Variants in SLC24A2 observed in about 807,000 individuals in gnomAD.
The protein encoded by SLC24A2 is solute carrier family 24 member 2, also known as sodium/potassium/calcium exchanger 2.
In SLC24A2, 36 loss-of-function variants were observed where a neutral mutation model predicts 62.0. The observed-to-expected ratio is 0.58, with a 90% CI of 0.44 to 0.77. The LOEUF is 0.77. Among genes scored for constraint, SLC24A2 ranks in the 30% least tolerant of loss-of-function variants. The probability of loss-of-function intolerance (pLI) is 0.00; values close to 1 mark genes in which losing one functional copy is unlikely to be tolerated. For missense variants in SLC24A2, 846 were observed against 817.9 expected, an observed-to-expected ratio of 1.03 and a Z score of -0.42; for synonymous variants, 358 against 294.0, an observed-to-expected ratio of 1.22 and a Z score of -2.23.
intron 2 of SLC24A2, among the ~76,000 whole-genome samples, chr9:19,765,202 G>A (rs1240624820): frequency 1.3e-5 from 2 of 151,944 alleles, no homozygotes; most frequent in East Asian, 1.9e-4. Context: ...TTGCACATTA[G>A]ATGGGTCTCC....
intron 7 of SLC24A2, among the ~76,000 whole-genome samples, chr9:19,560,669 T>C (rs1835344091): frequency 6.6e-6 from 1 of 152,192 alleles, no homozygotes; most frequent in Non-Finnish European, 1.5e-5. Flanking sequence ...TCTGGTATTT[T>C]TTTCTGGCAG....
chr9:19,883,940 C>T, the SLC24A2 span, among the ~76,000 whole-genome samples: 2 of 152,174 alleles, frequency 1.3e-5, no homozygotes, highest in African/African-American at 4.8e-5. Flanking sequence ...GTAAAAGGTG[C>T]TACTTATTCT....
the SLC24A2 span, among the ~76,000 whole-genome samples, chr9:19,888,443 T>C: frequency 5.9e-5 from 9 of 152,178 alleles, no homozygotes; most frequent in East Asian, 1.7e-3. Context: ...TTTTTTCTCC[T>C]CTTTTATTTA....
At chr9:19,824,683 G>T in the SLC24A2 span, among the ~76,000 whole-genome samples, 1 of 152,030 alleles carries the variant, frequency 6.6e-6, no homozygotes, top group South Asian at 2.1e-4. Flanking sequence ...TATACCCAAA[G>T]GTTTATAAAT....
the SLC24A2 span, among the ~76,000 whole-genome samples, chr9:20,017,644 CA>C: frequency 6.6e-6 from 1 of 152,166 alleles, no homozygotes; most frequent in African/African-American, 2.4e-5. Flanking sequence ...GGAAAACCAA[CA>C]ATGCAGCCTT....
chr9:20,235,265 C>T, the SLC24A2 span, among the ~76,000 whole-genome samples: 15 of 152,350 alleles, frequency 9.8e-5, no homozygotes, highest in African/African-American at 3.6e-4. Context: ...CAGACAGGGA[C>T]ATTTAAGTCT....
At chr9:19,983,538 G>A in the SLC24A2 span, among the ~76,000 whole-genome samples, 13 of 152,154 alleles carry the variant, frequency 8.5e-5, no homozygotes, top group Non-Finnish European at 1.3e-4. Context: ...AGCTGCTCGG[G>A]AGGCTGAGGC....
intron 5 of SLC24A2, among the ~76,000 whole-genome samples, chr9:19,580,712 G>T (rs1836178830): frequency 6.6e-6 from 1 of 152,226 alleles, no homozygotes; most frequent in South Asian, 2.1e-4. Flanking sequence ...GTAGATCTGA[G>T]TTCAAGCCCT....
the SLC24A2 span, among the ~76,000 whole-genome samples, chr9:19,838,639 CAAAAAAAAAAG>C: frequency 8.0e-6 from 1 of 124,404 alleles, no homozygotes; most frequent in Non-Finnish European, 1.7e-5. Flanking sequence ...ACTCTGGTCT[CAAAAAAAAAAG>C]AAAAAAAAAA....
chr9:20,259,576 T>C, the SLC24A2 span, among the ~76,000 whole-genome samples: 1 of 152,136 alleles, frequency 6.6e-6, no homozygotes, highest in Non-Finnish European at 1.5e-5. Context: ...TGCCTACTGT[T>C]TGGGACAGAG....
intron 2 of SLC24A2, among the ~76,000 whole-genome samples, chr9:19,760,382 T>A (rs1388214358): frequency 1.3e-5 from 2 of 152,196 alleles, no homozygotes; most frequent in Non-Finnish European, 2.9e-5. Flanking sequence ...TATTTTTTTA[T>A]TATACTTTAA....
chr9:20,200,200 T>C, the SLC24A2 span, among the ~76,000 whole-genome samples: 1 of 152,034 alleles, frequency 6.6e-6, no homozygotes, highest in Admixed American at 6.6e-5. Context: ...TTCCACAGAG[T>C]AGCCTCTGGC....
chr9:20,065,100 A>G, the SLC24A2 span, among the ~76,000 whole-genome samples: 1 of 152,208 alleles, frequency 6.6e-6, no homozygotes, highest in African/African-American at 2.4e-5. Context: ...CATTTGTTTC[A>G]TGGTCCTAAA....
At chr9:20,128,713 A>T in the SLC24A2 span, among the ~76,000 whole-genome samples, 1 of 152,126 alleles carries the variant, frequency 6.6e-6, no homozygotes, top group African/African-American at 2.4e-5. Context: ...ATGGGGAAAG[A>T]ATAATCTCTT....
chr9:19,573,740 G>T (rs1013388111), intron 6 of SLC24A2, among the ~76,000 whole-genome samples: 1 of 151,916 alleles, frequency 6.6e-6, no homozygotes, highest in African/African-American at 2.4e-5. Context: ...CCTTAATAGC[G>T]CCCTGGCTTC....
chr9:19,968,512 A>G, the SLC24A2 span, among the ~76,000 whole-genome samples: 1 of 152,230 alleles, frequency 6.6e-6, no homozygotes, highest in Admixed American at 6.6e-5. Flanking sequence ...ACAGACTCTA[A>G]GAAGTGGATA....
At chr9:20,103,324 C>G in the SLC24A2 span, among the ~76,000 whole-genome samples, 4 of 152,278 alleles carry the variant, frequency 2.6e-5, no homozygotes, top group African/African-American at 9.6e-5. Context: ...AAGTCCCTGT[C>G]TGACAGCTTT....
chr9:19,874,075 C>CTTTTTTTTTTTTTT, the SLC24A2 span, among the ~76,000 whole-genome samples: 2 of 107,302 alleles, frequency 1.9e-5, no homozygotes, highest in Non-Finnish European at 3.8e-5. Context: ...CTTTTCTTTT[C>CTTTTTTTTTTTTTT]TTTTTTTTTT....
chr9:19,627,631 T>A (rs1488728165), intron 2 of SLC24A2, among the ~76,000 whole-genome samples: 1 of 152,132 alleles, frequency 6.6e-6, no homozygotes, highest in Non-Finnish European at 1.5e-5. Context: ...GCTCAAGCAA[T>A]CCTCTTGCTT....
Sources: allele counts gnomAD v4.1 joint callset (sites outside exome capture counted in the v4.1 genomes callset), GRCh38; gene constraint gnomAD v4.1.1; transcripts MANE v1.5; gene names NCBI Gene and HGNC (gene_info 2026-07-23, HGNC 2026-07-21).